Variants in GRID2 observed in about 807,000 individuals in gnomAD.
GRID2 encodes the protein glutamate ionotropic receptor delta type subunit 2.
In GRID2, 33 loss-of-function variants were observed where a neutral mutation model predicts 114.8. That is an observed-to-expected ratio of 0.29 (90% CI 0.22 to 0.38). The LOEUF (loss-of-function observed/expected upper bound fraction) is 0.38, where lower values mean the gene tolerates loss of function less well. Among genes scored for constraint, GRID2 ranks in the 10% least tolerant of loss-of-function variants. The pLI, the probability that GRID2 is intolerant of heterozygous loss-of-function variation, is 1.00. For missense variants in GRID2, 1,184 were observed against 1,257.7 expected, an observed-to-expected ratio of 0.94 and a Z score of 0.89; for synonymous variants, 505 against 449.9, an observed-to-expected ratio of 1.12 and a Z score of -1.55.
At chr4:93,113,106 A>G (rs1732922491) in intron 4 of GRID2, among the ~76,000 whole-genome samples, 1 of 152,192 alleles carries the variant, frequency 6.6e-6, no homozygotes, top group Admixed American at 6.5e-5. Flanking sequence ...TATGTTTGAG[A>G]GTTCAATTTG....
chr4:92,576,386 C>T (rs527247833), intron 1 of GRID2, among the ~76,000 whole-genome samples: 12 of 152,344 alleles, frequency 7.9e-5, no homozygotes, highest in African/African-American at 2.9e-4. Flanking sequence ...TCCATCTCCT[C>T]TCAGGCAGGC....
intron 2 of GRID2, among the ~76,000 whole-genome samples, chr4:93,036,687 T>C (rs765022854): frequency 2.6e-5 from 4 of 152,186 alleles, no homozygotes; most frequent in Non-Finnish European, 2.9e-5. Context: ...TTACTTTCTT[T>C]TATGTATTAC....
At chr4:93,115,875 G>A (rs1733197126) in intron 4 of GRID2, among the ~76,000 whole-genome samples, 1 of 152,112 alleles carries the variant, frequency 6.6e-6, no homozygotes. Flanking sequence ...CAACACATGG[G>A]AACTACAGGA....
chr4:92,377,016 C>T lies in GRID2; in HGVS notation c.88+72272C>T, dbSNP rs1305382199. On this transcript the variant is annotated intron_variant, in intron 1 of 15. Coordinates refer to ENST00000282020, the MANE Select transcript of GRID2 (RefSeq NM_001510.4). ...GCCCTGGAAATATTTTTGCCATTGT[C>T]TTGGGGATTAACATTTGGCTGTTTG... Among the ~76,000 whole-genome samples, 4 of 152,118 alleles carry T rather than the reference C, an allele frequency of 2.6e-5. No homozygotes were observed. In the East Asian group the frequency reaches 5.8e-4, roughly 22 times the overall value.
chr4:93,678,140 C>T (rs995281777), intron 14 of GRID2, among the ~76,000 whole-genome samples: 1 of 152,082 alleles, frequency 6.6e-6, no homozygotes, highest in African/African-American at 2.4e-5. Flanking sequence ...GTAGAAGCCT[C>T]AGGAGCCGAC....
At chr4:92,943,408 A>G (rs913823392) in intron 2 of GRID2, among the ~76,000 whole-genome samples, 1 of 152,076 alleles carries the variant, frequency 6.6e-6, no homozygotes, top group Non-Finnish European at 1.5e-5. Context: ...CATAGTTCTC[A>G]TGCCATGGTT....
chr4:92,848,615 A>G (rs779477398), intron 2 of GRID2, among the ~76,000 whole-genome samples: 16 of 152,022 alleles, frequency 1.1e-4, no homozygotes, highest in Non-Finnish European at 2.1e-4. Flanking sequence ...ACCTGGAACA[A>G]TGCCTATTGT....
At chr4:92,944,864 C>A (rs539270884) in intron 2 of GRID2, among the ~76,000 whole-genome samples, 2 of 152,036 alleles carry the variant, frequency 1.3e-5, no homozygotes, top group African/African-American at 2.4e-5. Context: ...AAAGGGCAAA[C>A]CTTATATATT....
chr4:92,710,800 A>G (rs1735207191), intron 2 of GRID2, among the ~76,000 whole-genome samples: 1 of 152,152 alleles, frequency 6.6e-6, no homozygotes, highest in Non-Finnish European at 1.5e-5. Context: ...TTATGGACAT[A>G]ATATTTACTC....
chr4:92,990,198 C>CTGTGTGTGTGTGTGTG (rs3970985), intron 2 of GRID2, among the ~76,000 whole-genome samples: 1 of 124,764 alleles, frequency 8.0e-6, no homozygotes, highest in Non-Finnish European at 1.6e-5. Context: ...TTAACATTTT[C>CTGTGTGTGTGTGTGTG]TGTGTGTGTG....
intron 14 of GRID2, among the ~76,000 whole-genome samples, chr4:93,691,085 A>G (rs552240486): frequency 2.6e-5 from 4 of 151,598 alleles, no homozygotes; most frequent in East Asian, 3.9e-4. Flanking sequence ...AAACTGTGCA[A>G]TAGCTTTTAA....
chr4:92,649,567 C>A lies in GRID2; in HGVS notation c.244+59281C>A, dbSNP rs561996183. Among the ~76,000 whole-genome samples, 7 of 152,002 alleles carry A rather than the reference C, an allele frequency of 4.6e-5. No individual in the cohort carries two copies. The South Asian group carries it at 1.0e-3, about 23-fold the overall frequency. On this transcript the variant is annotated intron_variant, in intron 2 of 15. Coordinates refer to ENST00000282020, the MANE Select transcript of GRID2 (RefSeq NM_001510.4). ...ACACCTACAAGTAATGTTTTACCAGCTATCTGGGCATTGCTTGGCCCAATC... is the reference window on the plus strand; with the variant it reads ...ACACCTACAAGTAATGTTTTACCAGATATCTGGGCATTGCTTGGCCCAATC...
intron 13 of GRID2, among the ~76,000 whole-genome samples, chr4:93,578,587 A>ATTTTTTTTTTTTTTTT (rs59397408): frequency 2.4e-4 from 20 of 83,924 alleles, no homozygotes; most frequent in African/African-American, 5.2e-4. Flanking sequence ...TGTTTTTTGT[A>ATTTTTTTTTTTTTTTT]TTTTTTTTTT....
intron 8 of GRID2, among the ~76,000 whole-genome samples, chr4:93,331,252 A>G (rs938694837): frequency 6.6e-6 from 1 of 151,608 alleles, no homozygotes; most frequent in African/African-American, 2.4e-5. Flanking sequence ...AAATAGACAC[A>G]ATCACAAAAA....
intron 1 of GRID2, among the ~76,000 whole-genome samples, chr4:92,321,848 T>C (rs1382127408): frequency 1.3e-5 from 2 of 152,168 alleles, no homozygotes; most frequent in African/African-American, 4.8e-5. Context: ...TATGTTCAAA[T>C]CTTGCCTTGG....
chr4:92,744,888 C>G (rs1348628258), intron 2 of GRID2, among the ~76,000 whole-genome samples: 1 of 152,100 alleles, frequency 6.6e-6, no homozygotes, highest in South Asian at 2.1e-4. Context: ...GGCGTTCTGT[C>G]TGGGTACAGT....
intron 13 of GRID2, among the ~76,000 whole-genome samples, chr4:93,600,167 A>G (rs140746200): frequency 6.6e-6 from 1 of 152,352 alleles, no homozygotes; most frequent in South Asian, 2.1e-4. Context: ...GATTAAAACT[A>G]TGTCTCAGTA....
rs187866200 is a variant in GRID2, at chr4:92,470,997, T to C, written c.89-119134T>C. On this transcript the variant is annotated intron_variant, in intron 1 of 15. Transcript: ENST00000282020. ...TTGGTACAACTTTAAGTAGGTTGTGTAGTATATTGTAACACAGGGTACAAA... is the reference window on the plus strand; with the variant it reads ...TTGGTACAACTTTAAGTAGGTTGTGCAGTATATTGTAACACAGGGTACAAA... Among the ~76,000 whole-genome samples the C allele has an allele frequency of 1.1e-4, 12 of 109,618 alleles. No homozygotes were observed. In the East Asian group the frequency reaches 3.1e-3, roughly 28 times the overall value. The allele number at this position is 109,618 out of a possible 152,430, so 71.9% of individuals were successfully genotyped here. A position where few individuals can be genotyped will look rare whatever the true frequency, so the allele number is the denominator to read the frequency against.
At chr4:93,739,917 A>T (rs766261616) in intron 14 of GRID2, among the ~76,000 whole-genome samples, 56 of 152,140 alleles carry the variant, frequency 3.7e-4, no homozygotes, top group Non-Finnish European at 5.6e-4. Context: ...ACCCTATAAA[A>T]TTCATCTTCA....
Sources: gnomAD v4.1 joint callset for allele counts (sites outside exome capture counted in the v4.1 genomes callset) on GRCh38, gnomAD v4.1.1 for gene constraint, MANE v1.5 for transcripts, NCBI Gene and HGNC (gene_info 2026-07-23, HGNC 2026-07-21) for gene names.